The following TOP1 variants were observed in gnomAD, a reference collection of about 807,000 sequenced individuals.
The protein encoded by TOP1 is DNA topoisomerase I, also known as DNA topoisomerase 1.
In TOP1, 10 loss-of-function variants were observed where a neutral mutation model predicts 111.1. The observed-to-expected ratio is 0.09, with a 90% CI of 0.06 to 0.15. The LOEUF is 0.15. Ranked by LOEUF, TOP1 falls within the 10% of genes least tolerant of loss-of-function variation. The pLI is 1.00. For synonymous variants in TOP1, 271 were observed against 302.9 expected, an observed-to-expected ratio of 0.89 and a Z score of 1.10; for missense variants, 474 against 926.7, an observed-to-expected ratio of 0.51 and a Z score of 6.34.
intron 2 of TOP1, among the ~76,000 whole-genome samples, chr20:41,040,815 A>G (rs2033254490): frequency 6.6e-6 from 1 of 151,828 alleles, no homozygotes; most frequent in African/African-American, 2.4e-5. Flanking sequence ...AAAAAAAAAA[A>G]AAAAAAAAAG....
chr20:41,077,626 T>C lies in TOP1; in HGVS notation c.324T>C (p.Asn108=). The change falls in exon 5 of 21, where the codon AAT becomes AAC. Residue 108 remains asparagine, a synonymous_variant. Coordinates refer to ENST00000361337, the MANE Select transcript of TOP1 (RefSeq NM_003286.4). ...GDAKIKKEKE[N]GFSSPPQIKD... ...CAAAAATAAAGAAGGAGAAGGAAAA[T>C]GGCTTCTCTAGGTAAGACTTTGCTG... is the stretch of plus-strand genomic sequence containing the variant. The C allele has an allele frequency of 1.2e-6, 2 of 1,614,124 alleles. No homozygotes were observed. The highest frequency in any genetic ancestry group is 2.2e-5 in the East Asian group (1 of 44,880).
Position 41,032,279 on chromosome 20 carries a change from T to G in TOP1, c.58+2824T>G, listed in dbSNP as rs2033130459. On this transcript the variant is annotated intron_variant, in intron 2 of 20. Coordinates refer to ENST00000361337, the MANE Select transcript of TOP1 (RefSeq NM_003286.4). This position sits in a 1 kb window ranked among gnomAD's most constrained non-coding sequence, Gnocchi z 4.3. ...ACTTTGGAGCTCATTCTTCGCAATATTTAAAATTGTAGCTCTTTGCATGTA... is the reference window on the plus strand; with the variant it reads ...ACTTTGGAGCTCATTCTTCGCAATAGTTAAAATTGTAGCTCTTTGCATGTA... 6.6e-6 allele frequency among the ~76,000 whole-genome samples: 1 copy of G among 152,048 alleles called. No individual in the cohort carries two copies. Among genetic ancestry groups the G allele is most frequent in the South Asian group, 2.1e-4 (1 of 4,822 alleles).
At position 41,028,869 on chromosome 20, in the gene TOP1, C is replaced by T. The variant is rs918306974; in HGVS notation, c.-199C>T. Reference sequence around the variant, plus strand: ...CACAACTGCTGGGGTCTGTTCTCGCCGCCCGCCCGGCAGTCAGGCAGCGTC... The same window carrying T: ...CACAACTGCTGGGGTCTGTTCTCGCTGCCCGCCCGGCAGTCAGGCAGCGTC... On this transcript the variant is annotated 5_prime_UTR_variant, in exon 1 of 21. Transcript: ENST00000361337. 5 of 560,484 alleles carry T rather than the reference C, an allele frequency of 8.9e-6. No individual in the cohort carries two copies. Among genetic ancestry groups the T allele is most frequent in the Non-Finnish European group, 1.6e-5 (5 of 318,650 alleles). The allele number at this position is 560,484 out of a possible 1,614,324, so 34.7% of individuals were successfully genotyped here.
Position 41,080,114 on chromosome 20 carries a change from A to T in TOP1, c.365A>T (p.Asp122Val). Residue 122 changes from aspartate to valine, a missense_variant, in exon 6 of 21, where the codon GAT becomes GTT. Physicochemically the swap from Asp to Val is radical, Grantham distance 152. Coordinates refer to ENST00000361337, the MANE Select transcript of TOP1 (RefSeq NM_003286.4). The surrounding 1 kb of genome is among the most constrained non-coding windows in gnomAD (Gnocchi z 5.0). ...CCACAAATTAAAGATGAACCTGAAG[A>T]TGATGGCTATTTTGTTCCTCCTAAA... ...SPPQIKDEPEDDGYFVPPKED... is the reference protein window; with the variant it reads ...SPPQIKDEPEVDGYFVPPKED... 4 of 1,611,952 alleles carry T rather than the reference A, an allele frequency of 2.5e-6. No individual in the cohort carries two copies. Among genetic ancestry groups the T allele is most frequent in the Non-Finnish European group, 3.4e-6 (4 of 1,179,088 alleles).
chr20:41,073,845 A>T (rs192513737), intron 3 of TOP1, among the ~76,000 whole-genome samples: 1 of 152,168 alleles, frequency 6.6e-6, no homozygotes, highest in East Asian at 1.9e-4. Flanking sequence ...CCCCTCCCCC[A>T]CTATAGTTGG....
At chr20:41,088,845 G>T (rs952977262) in intron 8 of TOP1, among the ~76,000 whole-genome samples, 2 of 151,926 alleles carry the variant, frequency 1.3e-5, no homozygotes, top group African/African-American at 4.8e-5. Context: ...TGTTTAAATT[G>T]TGTAAAATAC....
chr20:41,088,577 GGTGGC>G (rs2033875947), intron 8 of TOP1, among the ~76,000 whole-genome samples: 1 of 152,086 alleles, frequency 6.6e-6, no homozygotes, highest in Non-Finnish European at 1.5e-5. Context: ...TAAGGGAAAG[GGTGGC>G]GTTCGGAATC....
intron 2 of TOP1, among the ~76,000 whole-genome samples, chr20:41,036,631 C>T (rs1203906688): frequency 1.3e-5 from 2 of 152,022 alleles, no homozygotes; most frequent in Admixed American, 6.6e-5. Flanking sequence ...TTGGTATTCC[C>T]TGTTAAAGTT....
At chr20:41,047,924 A>G (rs1290442843) in intron 2 of TOP1, among the ~76,000 whole-genome samples, 3 of 152,156 alleles carry the variant, frequency 2.0e-5, no homozygotes, top group Non-Finnish European at 2.9e-5. Flanking sequence ...GAAAACTTCT[A>G]TTTTAAAGAG....
chr20:41,034,185 C>T lies in TOP1; in HGVS notation c.58+4730C>T, dbSNP rs541599486. On this transcript the variant is annotated intron_variant, in intron 2 of 20. Transcript: ENST00000361337. This position sits in a 1 kb window ranked among gnomAD's most constrained non-coding sequence, Gnocchi z 4.0. ...TTAAGGTAAAAAGTTTAGAGACTTC[C>T]AAACTAGTCCTTAAGAGGCGAATGG... is the stretch of plus-strand genomic sequence containing the variant. 6.6e-6 allele frequency among the ~76,000 whole-genome samples: 1 copy of T among 152,292 alleles called. No individual in the cohort carries two copies. Among genetic ancestry groups the T allele is most frequent in the Non-Finnish European group, 1.5e-5 (1 of 68,028 alleles).
chr20:41,041,824 A>C (rs1043899254), intron 2 of TOP1, among the ~76,000 whole-genome samples: 1 of 152,170 alleles, frequency 6.6e-6, no homozygotes, highest in Non-Finnish European at 1.5e-5. Context: ...ATTTGGCTAA[A>C]GATCTATATT....
At position 41,116,796 on chromosome 20, in the gene TOP1, T is replaced by C. The variant is rs936787034; in HGVS notation, c.1822+404T>C. ...TTTCCTTGAGGTTTCTGTCATTTTT[T>C]TCCCATAAGAGAGTAGATACTTTCT... is the stretch of plus-strand genomic sequence containing the variant. On this transcript the variant is annotated intron_variant, in intron 17 of 20. Coordinates refer to ENST00000361337, the MANE Select transcript of TOP1 (RefSeq NM_003286.4). The surrounding 1 kb of genome is among the most constrained non-coding windows in gnomAD (Gnocchi z 5.6). 6.6e-6 allele frequency among the ~76,000 whole-genome samples: 1 copy of C among 152,200 alleles called. No individual in the cohort carries two copies. The highest frequency in any genetic ancestry group is 1.5e-5 in the Non-Finnish European group (1 of 68,036).
At position 41,032,182 on chromosome 20, in the gene TOP1, A is replaced by G. The variant is rs1464326992; in HGVS notation, c.58+2727A>G. Among the ~76,000 whole-genome samples, 1 of 152,202 alleles carries G rather than the reference A, an allele frequency of 6.6e-6. No homozygotes were observed. Among genetic ancestry groups the G allele is most frequent in the Non-Finnish European group, 1.5e-5 (1 of 68,038 alleles). On this transcript the variant is annotated intron_variant, in intron 2 of 20. Coordinates refer to ENST00000361337, the MANE Select transcript of TOP1 (RefSeq NM_003286.4). The surrounding 1 kb of genome is among the most constrained non-coding windows in gnomAD (Gnocchi z 4.3). ...ACAGATTAACTGTACAAGTTCATAT[A>G]TTAAAATCAAACGTCTCTCATTTTG...
chr20:41,029,235 A>C lies in TOP1; in HGVS notation c.33+135A>C, dbSNP rs1384749089. On this transcript the variant is annotated intron_variant, in intron 1 of 20. Transcript: ENST00000361337. This position sits in a 1 kb window ranked among gnomAD's most constrained non-coding sequence, Gnocchi z 6.1. Reference sequence around the variant, plus strand: ...CCCCCGGTGAGGGGCCGCCTGCCGGAGTAGATCGGCTCGCTAGGCCGCGAG... The same window carrying C: ...CCCCCGGTGAGGGGCCGCCTGCCGGCGTAGATCGGCTCGCTAGGCCGCGAG... The C allele has an allele frequency of 1.9e-5, 15 of 800,592 alleles. No individual in the cohort carries two copies. Among genetic ancestry groups the C allele is most frequent in the South Asian group, 2.6e-5 (1 of 38,540 alleles). 49.6% of individuals were successfully genotyped at this position (800,592 alleles called of 1,614,324 possible).
At chr20:41,043,449 A>G (rs769523369) in intron 2 of TOP1, among the ~76,000 whole-genome samples, 1 of 152,234 alleles carries the variant, frequency 6.6e-6, no homozygotes, top group Non-Finnish European at 1.5e-5. Context: ...GATTAACACC[A>G]GAAAGGTTTC....
chr20:41,118,945 T>G lies in TOP1; in HGVS notation c.1950+649T>G, dbSNP rs2034376921. Among the ~76,000 whole-genome samples, 1 of 152,216 alleles carries G rather than the reference T, an allele frequency of 6.6e-6. No homozygotes were observed. Among genetic ancestry groups the G allele is most frequent in the African/African-American group, 2.4e-5 (1 of 41,440 alleles). On this transcript the variant is annotated intron_variant, in intron 18 of 20. Transcript: ENST00000361337. This position sits in a 1 kb window ranked among gnomAD's most constrained non-coding sequence, Gnocchi z 4.6. ...TTTAAACCATAAGGCACTTAACATT[T>G]GATGATGAACATTTTTGTGTTAGCA... is the stretch of plus-strand genomic sequence containing the variant.
intron 2 of TOP1, among the ~76,000 whole-genome samples, chr20:41,040,850 G>C (rs933772488): frequency 6.0e-5 from 9 of 149,610 alleles, no homozygotes; most frequent in Non-Finnish European, 1.2e-4. Flanking sequence ...TGTTTAAGTA[G>C]TATTTCTTAT....
At chr20:41,119,276 A>G (rs941642488) in intron 18 of TOP1, among the ~76,000 whole-genome samples, 2 of 152,190 alleles carry the variant, frequency 1.3e-5, no homozygotes, top group African/African-American at 4.8e-5. Context: ...TGCTGCTATT[A>G]CTATGGTTTG....
intron 8 of TOP1, among the ~76,000 whole-genome samples, chr20:41,087,092 C>T (rs1373032524): frequency 6.6e-6 from 1 of 152,186 alleles, no homozygotes; most frequent in East Asian, 1.9e-4. Context: ...TTTTTCTTCC[C>T]TCGTAAGTCC....
Sources: gnomAD v4.1 joint callset for allele counts (sites outside exome capture counted in the v4.1 genomes callset) on GRCh38, gnomAD v4.1.1 for gene constraint, Gnocchi (gnomAD v3.1) non-coding constraint, MANE v1.5 for transcripts, NCBI Gene and HGNC (gene_info 2026-07-23, HGNC 2026-07-21) for gene names.